Variants in GPC6 observed in about 807,000 individuals in gnomAD.
The protein encoded by GPC6 is glypican-6.
Under a neutral mutation model 55.2 loss-of-function variants are expected in GPC6, and 14 were observed. The observed-to-expected ratio is 0.25, with a 90% CI of 0.17 to 0.40. The LOEUF is 0.40. Ranked by LOEUF, GPC6 falls within the 10% of genes least tolerant of loss-of-function variation. The pLI, the probability that GPC6 is intolerant of heterozygous loss-of-function variation, is 1.00. For synonymous variants in GPC6, 278 were observed against 259.6 expected (o/e 1.07, Z -0.68); for missense variants, 641 against 708.5 (o/e 0.90, Z 1.08).
At chr13:94,323,634 A>G (rs1380548490) in intron 6 of GPC6, among the ~76,000 whole-genome samples, 29 of 152,168 alleles carry the variant, frequency 1.9e-4, no homozygotes, top group Admixed American at 1.9e-3. Context: ...TAATGGGTGC[A>G]ATACAATGTA....
At chr13:93,719,538 A>AT (rs1429403413) in intron 2 of GPC6, among the ~76,000 whole-genome samples, 1 of 152,014 alleles carries the variant, frequency 6.6e-6, no homozygotes, top group African/African-American at 2.4e-5. Flanking sequence ...AACAGAGATA[A>AT]TTTGAGTTCC....
chr13:94,049,695 T>A (rs552522505), intron 4 of GPC6, among the ~76,000 whole-genome samples: 76 of 152,230 alleles, frequency 5.0e-4, no homozygotes, highest in African/African-American at 1.8e-3. Context: ...TTACTTGATA[T>A]AAAATTTTCA....
intron 1 of GPC6, among the ~76,000 whole-genome samples, chr13:93,425,916 C>T (rs552729186): frequency 6.6e-6 from 1 of 152,154 alleles, no homozygotes; most frequent in Non-Finnish European, 1.5e-5. Flanking sequence ...CTGCAGCCCA[C>T]GGCTTTATTT....
At chr13:93,963,695 T>C (rs1020157627) in intron 3 of GPC6, among the ~76,000 whole-genome samples, 1 of 152,208 alleles carries the variant, frequency 6.6e-6, no homozygotes, top group South Asian at 2.1e-4. Flanking sequence ...TGACATTTCA[T>C]TGTTGCTGGT....
At chr13:93,499,230 G>A (rs1880433313) in intron 1 of GPC6, among the ~76,000 whole-genome samples, 1 of 151,988 alleles carries the variant, frequency 6.6e-6, no homozygotes, top group African/African-American at 2.4e-5. Flanking sequence ...AATTATTAAG[G>A]ATATGGATTA....
intron 5 of GPC6, among the ~76,000 whole-genome samples, chr13:94,302,236 G>GATTTGA (rs1165743476): frequency 2.6e-5 from 4 of 152,234 alleles, no homozygotes; most frequent in Non-Finnish European, 5.9e-5. Context: ...AGGCTGGGAA[G>GATTTGA]TCTAAGATCA....
At chr13:94,155,053 G>A (rs1463561234) in intron 4 of GPC6, among the ~76,000 whole-genome samples, 2 of 152,184 alleles carry the variant, frequency 1.3e-5, no homozygotes, top group East Asian at 1.9e-4. Flanking sequence ...CCGGCTCCCT[G>A]GGGGTACACC....
intron 6 of GPC6, among the ~76,000 whole-genome samples, chr13:94,337,195 G>C (rs909474615): frequency 2.6e-5 from 4 of 152,190 alleles, no homozygotes; most frequent in African/African-American, 9.7e-5. Flanking sequence ...CTCTTCAGAA[G>C]ACCTGGATCT....
chr13:94,056,613 G>C (rs750767982), intron 4 of GPC6, among the ~76,000 whole-genome samples: 16 of 152,152 alleles, frequency 1.1e-4, no homozygotes, highest in Non-Finnish European at 2.2e-4. Flanking sequence ...ATGAGCGTCA[G>C]ATTTTAACAG....
chr13:93,676,146 TATATATATATATATATATATATAC>T lies in GPC6; in HGVS notation c.319+130729_319+130752del, dbSNP rs1248136766. Among the ~76,000 whole-genome samples the T allele has an allele frequency of 2.8e-3, 37 of 13,204 alleles. 1 individual carries two copies. Among genetic ancestry groups the T allele is most frequent in the Non-Finnish European group, 6.2e-3 (8 of 1,296 alleles). The allele number at this position is 13,204 out of a possible 152,430, so 8.7% of individuals were successfully genotyped here. A position where few individuals can be genotyped will look rare whatever the true frequency, so the allele number is the denominator to read the frequency against. On this transcript the variant is annotated intron_variant, in intron 2 of 8. Transcript: ENST00000377047. ...AAAAAAATATATATATATATATATA[TATATATATATATATATATATATAC>T]ATACACACACACACACACACATATA... is the stretch of plus-strand genomic sequence containing the variant.
intron 2 of GPC6, among the ~76,000 whole-genome samples, chr13:93,694,860 C>T (rs1328783428): frequency 6.6e-6 from 1 of 152,028 alleles, no homozygotes; most frequent in Non-Finnish European, 1.5e-5. Flanking sequence ...TTGTCATTCT[C>T]ACTGGGCCTT....
chr13:93,880,738 C>T (rs972686842), intron 3 of GPC6, among the ~76,000 whole-genome samples: 1 of 151,648 alleles, frequency 6.6e-6, no homozygotes, highest in African/African-American at 2.4e-5. Context: ...AAAAAATCAT[C>T]GAACCATTAT....
At chr13:93,450,698 C>T (rs1456083798) in intron 1 of GPC6, 1 of 968,284 alleles carries the variant, frequency 1.0e-6, no homozygotes, top group Non-Finnish European at 1.2e-6. Context: ...CTAGGAGCTC[C>T]AACACTTCCC....
chr13:93,627,277 G>C (rs564824304), intron 2 of GPC6, among the ~76,000 whole-genome samples: 14 of 152,080 alleles, frequency 9.2e-5, no homozygotes, highest in Admixed American at 7.2e-4. Context: ...TCTTGTGTTA[G>C]TTTGCTGAGA....
chr13:94,315,641 A>G (rs749035628), intron 6 of GPC6, among the ~76,000 whole-genome samples: 3 of 152,234 alleles, frequency 2.0e-5, no homozygotes, highest in Non-Finnish European at 4.4e-5. Flanking sequence ...GAACAGTAAC[A>G]TTATCGACCA....
chr13:93,417,213 A>G (rs1454337771), intron 1 of GPC6, among the ~76,000 whole-genome samples: 2 of 152,132 alleles, frequency 1.3e-5, no homozygotes, highest in Non-Finnish European at 2.9e-5. Flanking sequence ...GACATGTTTC[A>G]CTTTCAGTGG....
intron 2 of GPC6, among the ~76,000 whole-genome samples, chr13:93,640,659 A>T (rs1217562762): frequency 1.3e-5 from 2 of 151,320 alleles, no homozygotes; most frequent in African/African-American, 2.4e-5. Flanking sequence ...CCAAGCAAAT[A>T]TTTTTTTTCT....
chr13:94,018,764 G>A (rs1023728010), intron 3 of GPC6, among the ~76,000 whole-genome samples: 9 of 152,158 alleles, frequency 5.9e-5, no homozygotes, highest in African/African-American at 2.2e-4. Context: ...CCTGATGAGT[G>A]AGCATTACCA....
intron 1 of GPC6, among the ~76,000 whole-genome samples, chr13:93,246,720 A>G (rs532180633): frequency 1.5e-5 from 2 of 132,686 alleles, no homozygotes; most frequent in Admixed American, 9.0e-5. Context: ...TGAACCCCAG[A>G]GGCGGAGCTT....
Sources: allele counts gnomAD v4.1 joint callset (sites outside exome capture counted in the v4.1 genomes callset), GRCh38; gene constraint gnomAD v4.1.1; transcripts MANE v1.5; gene names NCBI Gene and HGNC (gene_info 2026-07-23, HGNC 2026-07-21).